CSMD1: variants seen among roughly 807,000 people sequenced by gnomAD.
CSMD1 encodes the protein CUB and Sushi multiple domains 1.
In CSMD1, 213 loss-of-function variants were observed where a neutral mutation model predicts 417.5. The ratio of observed to expected loss-of-function variants is 0.51; its 90% CI spans 0.46 to 0.57. CSMD1 has a LOEUF of 0.57. Among genes scored for constraint, CSMD1 ranks in the 20% least tolerant of loss-of-function variants. CSMD1 has a pLI of 0.00. For missense variants in CSMD1, 6,923 were observed against 4,529.7 expected, an observed-to-expected ratio of 1.53 and a Z score of -15.17; for synonymous variants, 2,862 against 1,736.8, an observed-to-expected ratio of 1.65 and a Z score of -16.11.
At chr8:3,479,367 G>A (rs574804826) in intron 11 of CSMD1, among the ~76,000 whole-genome samples, 11 of 152,128 alleles carry the variant, frequency 7.2e-5, no homozygotes, top group East Asian at 1.9e-4. Context: ...CGCAACCTCC[G>A]CCTCCTGGGT....
chr8:3,698,175 C>T (rs554999244), intron 7 of CSMD1, among the ~76,000 whole-genome samples: 1 of 152,266 alleles, frequency 6.6e-6, no homozygotes, highest in East Asian at 1.9e-4. Flanking sequence ...CCCTTCACAG[C>T]AATATTTTCC....
intron 21 of CSMD1, 76 bp downstream of exon 21, chr8:3,359,076 C>A: frequency 2.0e-6 from 3 of 1,463,808 alleles, no homozygotes; most frequent in Non-Finnish European, 2.8e-6. Flanking sequence ...CACCCGACCC[C>A]GACCACCCTA....
At chr8:3,696,065 C>G (rs1800535369) in intron 7 of CSMD1, among the ~76,000 whole-genome samples, 1 of 151,762 alleles carries the variant, frequency 6.6e-6, no homozygotes, top group Non-Finnish European at 1.5e-5. Context: ...TTAAGATTTT[C>G]TTATGGGGGA....
intron 1 of CSMD1, among the ~76,000 whole-genome samples, chr8:4,863,423 T>G (rs552146463): frequency 1.3e-5 from 2 of 152,120 alleles, no homozygotes; most frequent in African/African-American, 2.4e-5. Context: ...TGAGACTCAA[T>G]AGACCAGAGC....
intron 1 of CSMD1, among the ~76,000 whole-genome samples, chr8:4,859,898 T>A (rs1353648521): frequency 6.6e-6 from 1 of 152,206 alleles, no homozygotes; most frequent in Admixed American, 6.5e-5. Context: ...GACCCAGCCA[T>A]CCCATTACTG....
chr8:3,292,095 A>G (rs943717367), intron 25 of CSMD1, among the ~76,000 whole-genome samples: 1 of 152,144 alleles, frequency 6.6e-6, no homozygotes, highest in East Asian at 1.9e-4. Flanking sequence ...CTCAGTAGTC[A>G]TTCAGGAGCA....
intron 18 of CSMD1, among the ~76,000 whole-genome samples, chr8:3,374,985 G>A (rs1177943817): frequency 6.6e-6 from 1 of 152,176 alleles, no homozygotes; most frequent in African/African-American, 2.4e-5. Flanking sequence ...CAATTTCACA[G>A]GCAACAGTGA....
chr8:3,307,718 C>T lies in CSMD1; in HGVS notation c.3927G>A (p.Glu1309=), dbSNP rs776027264. 1 of 1,613,604 alleles carries T rather than the reference C, an allele frequency of 6.2e-7. No individual in the cohort carries two copies. Among genetic ancestry groups the T allele is most frequent in the East Asian group, 2.2e-5 (1 of 44,850 alleles). Residue 1309 remains glutamate (E), a synonymous_variant, in exon 25 of 70, where the codon GAG becomes GAA. Transcript: ENST00000635120. The stretch of plus-strand genomic sequence containing the variant: ...ACCTAATGGTCTTTCCTGGGTCTGC[C>T]TCTATAATCCAGGTGCAGTGGAGGT... The part of the protein sequence containing the change: ...DNNLHCTWII[E]ADPGKTISLH...
At chr8:3,561,636 C>G (rs1369532872) in intron 10 of CSMD1, among the ~76,000 whole-genome samples, 1 of 152,052 alleles carries the variant, frequency 6.6e-6, no homozygotes, top group African/African-American at 2.4e-5. Flanking sequence ...AGGAGAGAGG[C>G]AGGAGAGTAA....
At chr8:4,732,776 G>A (rs1188158237) in intron 1 of CSMD1, among the ~76,000 whole-genome samples, 1 of 152,136 alleles carries the variant, frequency 6.6e-6, no homozygotes, top group African/African-American at 2.4e-5. Context: ...AGCTCTAATT[G>A]TGCCCAAATC....
chr8:4,639,536 A>T (rs1803067977), intron 1 of CSMD1, among the ~76,000 whole-genome samples: 2 of 152,316 alleles, frequency 1.3e-5, no homozygotes, highest in Admixed American at 6.5e-5. Context: ...CCTTCTTAAT[A>T]TGCCCATTTC....
At chr8:4,438,702 T>C (rs1798288409) in intron 2 of CSMD1, among the ~76,000 whole-genome samples, 2 of 152,364 alleles carry the variant, frequency 1.3e-5, no homozygotes, top group South Asian at 2.1e-4. Flanking sequence ...GCGGCCTTCA[T>C]ACTCAGTTGA....
At chr8:4,754,400 T>C (rs1811536817) in intron 1 of CSMD1, among the ~76,000 whole-genome samples, 1 of 151,960 alleles carries the variant, frequency 6.6e-6, no homozygotes, top group Non-Finnish European at 1.5e-5. Flanking sequence ...TGTAGTGTCA[T>C]ATCCCAACTG....
intron 1 of CSMD1, among the ~76,000 whole-genome samples, chr8:4,850,680 GTC>G (rs148422787): frequency 2.7e-4 from 40 of 149,768 alleles, no homozygotes; most frequent in Non-Finnish European, 2.8e-4. Context: ...CCTTAGCTTT[GTC>G]TCTCTCTCTC....
At chr8:4,294,893 G>A (rs952515573) in intron 3 of CSMD1, among the ~76,000 whole-genome samples, 9 of 151,726 alleles carry the variant, frequency 5.9e-5, no homozygotes, top group African/African-American at 2.2e-4. Context: ...CTGTCAATGT[G>A]TATGGAACGA....
At chr8:4,066,036 C>T (rs1324503627) in intron 3 of CSMD1, among the ~76,000 whole-genome samples, 1 of 152,158 alleles carries the variant, frequency 6.6e-6, no homozygotes, top group Admixed American at 6.5e-5. Flanking sequence ...TCAGAAGGAG[C>T]CCTAAGAAAG....
chr8:4,970,521 TATATG>T (rs1207561476), intron 1 of CSMD1, among the ~76,000 whole-genome samples: 7 of 152,244 alleles, frequency 4.6e-5, no homozygotes, highest in Admixed American at 3.3e-4. Flanking sequence ...CTTCTTAAAC[TATATG>T]ATATATTATG....
intron 3 of CSMD1, among the ~76,000 whole-genome samples, chr8:4,186,881 A>T (rs1798709830): frequency 6.6e-6 from 1 of 151,382 alleles, no homozygotes; most frequent in Non-Finnish European, 1.5e-5. Context: ...CTGTAGTCCC[A>T]GCTACTCGGG....
intron 1 of CSMD1, among the ~76,000 whole-genome samples, chr8:4,689,573 G>A (rs58661962): frequency 2.0e-5 from 3 of 152,122 alleles, no homozygotes; most frequent in Non-Finnish European, 2.9e-5. Flanking sequence ...ATACATTTTT[G>A]AAAAGCTGAA....
Sources: gnomAD v4.1 joint callset for allele counts (sites outside exome capture counted in the v4.1 genomes callset) on GRCh38, gnomAD v4.1.1 for gene constraint, MANE v1.5 for transcripts, NCBI Gene and HGNC (gene_info 2026-07-23, HGNC 2026-07-21) for gene names.